Variants in CDH13 observed in about 807,000 individuals in gnomAD.
CDH13 encodes cadherin 13, also known as cadherin-13.
CDH13 carries 24 observed loss-of-function variants against 63.8 expected under a neutral mutation model. That is an observed-to-expected ratio of 0.38 (90% CI 0.27 to 0.53). The LOEUF (loss-of-function observed/expected upper bound fraction) is 0.53, where lower values mean the gene tolerates loss of function less well. Among genes scored for constraint, CDH13 ranks in the 20% least tolerant of loss-of-function variants. The probability of loss-of-function intolerance (pLI) is 0.85; values close to 1 mark genes in which losing one functional copy is unlikely to be tolerated. For synonymous variants in CDH13, 503 were observed against 355.3 expected, an observed-to-expected ratio of 1.42 and a Z score of -4.67; for missense variants, 1,049 against 903.1, an observed-to-expected ratio of 1.16 and a Z score of -2.07.
At chr16:82,674,070 C>T (rs1012059427) in intron 1 of CDH13, among the ~76,000 whole-genome samples, 3 of 152,174 alleles carry the variant, frequency 2.0e-5, no homozygotes, top group African/African-American at 7.2e-5. Flanking sequence ...TTGTGTTTTT[C>T]TTCCCATTTA....
At chr16:83,516,929 G>A (rs2074710301) in intron 7 of CDH13, among the ~76,000 whole-genome samples, 1 of 152,212 alleles carries the variant, frequency 6.6e-6, no homozygotes, top group Non-Finnish European at 1.5e-5. Flanking sequence ...GCCAGGAAAG[G>A]AGATAAAGTG....
At chr16:83,244,079 C>G (rs529426047) in intron 5 of CDH13, among the ~76,000 whole-genome samples, 1 of 151,890 alleles carries the variant, frequency 6.6e-6, no homozygotes, top group African/African-American at 2.4e-5. Context: ...ACATAGGTGT[C>G]GAGCTTTCTG....
chr16:83,008,856 A>G (rs1913822659), intron 2 of CDH13, among the ~76,000 whole-genome samples: 1 of 152,224 alleles, frequency 6.6e-6, no homozygotes, highest in Admixed American at 6.5e-5. Context: ...AAGAGGTTTC[A>G]TTGACTCACA....
chr16:82,878,149 C>G (rs57042204), intron 2 of CDH13, among the ~76,000 whole-genome samples: 3,783 of 152,152 alleles, frequency 0.025, 142 homozygotes, highest in African/African-American at 0.087. Context: ...TCAAACCCCT[C>G]TCCCTCTCCA....
chr16:83,782,890 G>A (rs1276759942), intron 12 of CDH13, among the ~76,000 whole-genome samples: 1 of 152,102 alleles, frequency 6.6e-6, no homozygotes. Flanking sequence ...TGGCTTTTTC[G>A]TGTAATAAAT....
intron 2 of CDH13, among the ~76,000 whole-genome samples, chr16:82,896,215 C>G (rs939302222): frequency 1.3e-4 from 19 of 148,210 alleles, no homozygotes; most frequent in Admixed American, 4.8e-4. Flanking sequence ...GCACTTCTTA[C>G]AACACTGCCA....
intron 2 of CDH13, among the ~76,000 whole-genome samples, chr16:82,885,969 A>G (rs2151213329): frequency 6.6e-6 from 1 of 152,294 alleles, no homozygotes; most frequent in South Asian, 2.1e-4. Flanking sequence ...TGCTAACTTA[A>G]CAGAGTTTTC....
At chr16:82,821,994 G>A (rs1275850513) in intron 1 of CDH13, among the ~76,000 whole-genome samples, 1 of 152,136 alleles carries the variant, frequency 6.6e-6, no homozygotes. Context: ...AGAACCAAAA[G>A]GGTCTTCCTT....
rs530254662 is a variant in CDH13 at position 83,644,701 on chromosome 16, C to T, written c.1102-26089C>T. The stretch of plus-strand genomic sequence containing the variant: ...TCCAGAAACGCATCTGGTACTCAAG[C>T]GCAGAGCAGAGGTGGAATTCTAGGC... On this transcript the variant is annotated intron_variant, in intron 8 of 13. Transcript: ENST00000567109. Among the ~76,000 whole-genome samples the T allele has an allele frequency of 1.1e-4, 16 of 152,264 alleles. No individual in the cohort carries two copies. In the South Asian group the frequency reaches 2.9e-3, roughly 28 times the overall value.
At chr16:82,908,313 T>C (rs908792565) in intron 2 of CDH13, among the ~76,000 whole-genome samples, 2 of 152,130 alleles carry the variant, frequency 1.3e-5, no homozygotes, top group Non-Finnish European at 2.9e-5. Context: ...AAGTGCCAGA[T>C]GCAAGACCAA....
chr16:83,206,955 C>T (rs1446767624), intron 4 of CDH13, among the ~76,000 whole-genome samples: 1 of 152,130 alleles, frequency 6.6e-6, no homozygotes, highest in African/African-American at 2.4e-5. Context: ...GATAAAATCA[C>T]CTGTACTCAG....
At chr16:82,984,281 C>A (rs1438004339) in intron 2 of CDH13, among the ~76,000 whole-genome samples, 1 of 152,186 alleles carries the variant, frequency 6.6e-6, no homozygotes, top group Non-Finnish European at 1.5e-5. Flanking sequence ...GGAACCACCC[C>A]AGACTTGAAG....
intron 1 of CDH13, among the ~76,000 whole-genome samples, chr16:82,797,756 C>G (rs930283229): frequency 6.9e-6 from 1 of 145,254 alleles, no homozygotes; most frequent in Non-Finnish European, 1.5e-5. Flanking sequence ...TACAAGGGCC[C>G]ATGTATGACT....
chr16:83,788,075 A>G (rs1916005680), intron 13 of CDH13, among the ~76,000 whole-genome samples: 1 of 152,250 alleles, frequency 6.6e-6, no homozygotes. Flanking sequence ...ACACACGTAC[A>G]TGTATGTTTG....
chr16:83,337,107 A>G (rs2090614857), intron 5 of CDH13, among the ~76,000 whole-genome samples: 1 of 152,144 alleles, frequency 6.6e-6, no homozygotes, highest in Non-Finnish European at 1.5e-5. Flanking sequence ...TTTTTAAGGG[A>G]TTCTTTTCAA....
chr16:83,374,428 A>AT (rs2091425677), intron 6 of CDH13, among the ~76,000 whole-genome samples: 1 of 152,048 alleles, frequency 6.6e-6, no homozygotes, highest in African/African-American at 2.4e-5. Context: ...AAGAGACCAT[A>AT]TTTTTTCTCT....
intron 7 of CDH13, among the ~76,000 whole-genome samples, chr16:83,494,312 TTTTC>T (rs1280142561): frequency 1.3e-5 from 2 of 152,222 alleles, no homozygotes; most frequent in African/African-American, 4.8e-5. Context: ...AGCTGTTTAT[TTTTC>T]TTTATCAGCC....
chr16:83,663,125 A>T (rs996815565), intron 8 of CDH13, among the ~76,000 whole-genome samples: 1 of 152,216 alleles, frequency 6.6e-6, no homozygotes, highest in Non-Finnish European at 1.5e-5. Flanking sequence ...AAATTTATCA[A>T]AGAAATAATC....
chr16:83,291,332 C>T (rs146748598), intron 5 of CDH13, among the ~76,000 whole-genome samples: 20 of 152,152 alleles, frequency 1.3e-4, no homozygotes, highest in Non-Finnish European at 2.2e-4. Flanking sequence ...GGAGAATTGT[C>T]GCTTTTCTCA....
Sources: gnomAD v4.1 joint callset for allele counts (sites outside exome capture counted in the v4.1 genomes callset) on GRCh38, gnomAD v4.1.1 for gene constraint, MANE v1.5 for transcripts, NCBI Gene and HGNC (gene_info 2026-07-23, HGNC 2026-07-21) for gene names.